Variants in CDH18 observed in about 807,000 individuals in gnomAD.
CDH18 encodes cadherin 18.
Under a neutral mutation model 67.9 loss-of-function variants are expected in CDH18, and 31 were observed. That is an observed-to-expected ratio of 0.46 (90% confidence interval 0.34 to 0.62). The LOEUF is 0.62. Among genes scored for constraint, CDH18 ranks in the 20% least tolerant of loss-of-function variants. CDH18 has a pLI of 0.01. For synonymous variants in CDH18, 362 were observed against 347.2 expected (o/e 1.04, Z -0.48); for missense variants, 890 against 975.5 (o/e 0.91, Z 1.17).
rs886394489 is a variant in CDH18 at position 19,530,228 on chromosome 5, A to C, written c.1391-9450T>G. 2.0e-5 allele frequency among the ~76,000 whole-genome samples: 3 copies of C among 152,136 alleles called. No homozygotes were observed. In the East Asian group the frequency reaches 5.8e-4, roughly 29 times the overall value. ...GGTGGATCCATTGTAAATTCATATT[A>C]AAGAAAATTAAACTTGACTCTTACC... is the stretch of plus-strand genomic sequence containing the variant. On this transcript the variant is annotated intron_variant, in intron 9 of 12. Coordinates refer to ENST00000382275, the MANE Select transcript of CDH18 (RefSeq NM_004934.5).
intron 2 of CDH18, among the ~76,000 whole-genome samples, chr5:20,123,530 TTC>T (rs1158587647): frequency 6.6e-6 from 1 of 152,176 alleles, no homozygotes; most frequent in African/African-American, 2.4e-5. Context: ...CTCCCATTAT[TTC>T]CCCAGTTCCA....
chr5:19,546,213 T>C (rs1736292605), intron 8 of CDH18, among the ~76,000 whole-genome samples: 1 of 152,140 alleles, frequency 6.6e-6, no homozygotes, highest in African/African-American at 2.4e-5. Context: ...GGACTGGAGA[T>C]TTATTACAGT....
At chr5:20,259,155 C>T (rs1483181939) in intron 1 of CDH18, among the ~76,000 whole-genome samples, 2 of 152,086 alleles carry the variant, frequency 1.3e-5, no homozygotes, top group Non-Finnish European at 2.9e-5. Flanking sequence ...GTCTAAATCC[C>T]CCTCAACCAA....
At chr5:19,815,035 A>T (rs996363631) in intron 3 of CDH18, among the ~76,000 whole-genome samples, 1 of 152,082 alleles carries the variant, frequency 6.6e-6, no homozygotes, top group Middle Eastern at 3.2e-3. Context: ...TGAATTATTC[A>T]AATAAAATAT....
intron 1 of CDH18, among the ~76,000 whole-genome samples, chr5:20,309,293 C>T (rs1736780937): frequency 6.6e-6 from 1 of 152,124 alleles, no homozygotes; most frequent in Admixed American, 6.6e-5. Context: ...ATTTATGCCT[C>T]TTCACCTAAT....
At chr5:20,247,785 T>C (rs1029511369) in intron 2 of CDH18, among the ~76,000 whole-genome samples, 111 of 151,980 alleles carry the variant, frequency 7.3e-4, no homozygotes, top group African/African-American at 2.7e-3. Context: ...GATATACTTT[T>C]AGGAAAACGA....
chr5:19,696,334 C>T (rs561223264), intron 5 of CDH18, among the ~76,000 whole-genome samples: 1 of 151,264 alleles, frequency 6.6e-6, no homozygotes, highest in South Asian at 2.1e-4. Context: ...ATCAGGAGTT[C>T]AAGACCAGCC....
chr5:20,021,031 G>A (rs529599798), intron 2 of CDH18, among the ~76,000 whole-genome samples: 12 of 152,046 alleles, frequency 7.9e-5, no homozygotes, highest in South Asian at 4.2e-4. Flanking sequence ...CCCTTATCTC[G>A]GTGTTGCCTG....
At chr5:20,290,159 T>C (rs1746998384) in intron 1 of CDH18, among the ~76,000 whole-genome samples, 1 of 152,134 alleles carries the variant, frequency 6.6e-6, no homozygotes, top group African/African-American at 2.4e-5. Flanking sequence ...GAAGCATCTA[T>C]GAGCTTGTTA....
At chr5:20,029,746 T>C (rs924401807) in intron 2 of CDH18, among the ~76,000 whole-genome samples, 2 of 152,210 alleles carry the variant, frequency 1.3e-5, no homozygotes, top group Non-Finnish European at 2.9e-5. Context: ...CATGATAAAA[T>C]GTAACTGTAT....
intron 2 of CDH18, among the ~76,000 whole-genome samples, chr5:20,187,871 G>A (rs560870375): frequency 6.6e-6 from 1 of 151,678 alleles, no homozygotes; most frequent in South Asian, 2.1e-4. Context: ...AGACTAATAT[G>A]CTTTATAAAA....
chr5:20,395,559 CAATA>C (rs1745215808), intron 1 of CDH18, among the ~76,000 whole-genome samples: 1 of 152,142 alleles, frequency 6.6e-6, no homozygotes, highest in Non-Finnish European at 1.5e-5. Context: ...ATGTAACCAA[CAATA>C]ACTTGTACCT....
intron 2 of CDH18, among the ~76,000 whole-genome samples, chr5:20,176,210 G>A (rs1439798800): frequency 5.3e-5 from 8 of 152,138 alleles, no homozygotes; most frequent in African/African-American, 9.7e-5. Flanking sequence ...GGACTTCACC[G>A]ATCTGGGTCA....
intron 9 of CDH18, among the ~76,000 whole-genome samples, chr5:19,530,506 A>G (rs547441506): frequency 1.7e-4 from 26 of 152,152 alleles, no homozygotes; most frequent in Non-Finnish European, 2.9e-4. Flanking sequence ...ATATGTATAC[A>G]TGTGCCATGT....
chr5:19,527,014 G>T (rs948730075), intron 9 of CDH18, among the ~76,000 whole-genome samples: 18 of 151,872 alleles, frequency 1.2e-4, no homozygotes, highest in African/African-American at 3.6e-4. Context: ...TCTATGAAAA[G>T]ATTTCCTTAT....
intron 2 of CDH18, among the ~76,000 whole-genome samples, chr5:20,196,373 G>A (rs978456654): frequency 6.6e-6 from 1 of 152,034 alleles, no homozygotes; most frequent in Non-Finnish European, 1.5e-5. Context: ...AGAAACTGAG[G>A]CACAGAGATA....
chr5:20,506,456 C>T (rs1460525352), intron 1 of CDH18, among the ~76,000 whole-genome samples: 1 of 152,212 alleles, frequency 6.6e-6, no homozygotes, highest in Non-Finnish European at 1.5e-5. Context: ...GAGCAGAAAG[C>T]ATCCTTCAGC....
intron 2 of CDH18, among the ~76,000 whole-genome samples, chr5:20,080,298 C>G (rs748272975): frequency 6.6e-6 from 1 of 151,936 alleles, no homozygotes; most frequent in Non-Finnish European, 1.5e-5. Flanking sequence ...TATTTAACAT[C>G]TTTTTTTGTT....
intron 1 of CDH18, among the ~76,000 whole-genome samples, chr5:20,284,256 T>C (rs1746509738): frequency 6.6e-6 from 1 of 152,000 alleles, no homozygotes; most frequent in South Asian, 2.1e-4. Flanking sequence ...AATTGGATTG[T>C]TTGTCACATA....
Sources: allele counts gnomAD v4.1 joint callset (sites outside exome capture counted in the v4.1 genomes callset), GRCh38; gene constraint gnomAD v4.1.1; transcripts MANE v1.5; gene names NCBI Gene and HGNC (gene_info 2026-07-23, HGNC 2026-07-21).